The following SPSB4 variants were observed in gnomAD, a reference collection of about 807,000 sequenced individuals.
SPSB4 encodes SPRY domain-containing SOCS box protein 4.
A neutral mutation model predicts 20.9 loss-of-function variants in SPSB4; 21 were observed. The observed-to-expected ratio is 1.01, with a 90% CI of 0.71 to 1.45. The LOEUF is 1.45. Ranked by LOEUF, SPSB4 falls within the 40% of genes most tolerant of loss-of-function variation. SPSB4 has a pLI of 0.00. For synonymous variants in SPSB4, 207 were observed against 183.8 expected, an observed-to-expected ratio of 1.13 and a Z score of -1.02; for missense variants, 399 against 399.2, an observed-to-expected ratio of 1.00 and a Z score of 0.00.
rs73868994 is a variant in SPSB4, at chr3:141,081,288, A to C, written c.694+14490A>C. On this transcript the variant is annotated intron_variant, in intron 2 of 2. Coordinates refer to ENST00000310546, the MANE Select transcript of SPSB4 (RefSeq NM_080862.3). ...ACACGGCTCGTGGCTGCCCTATTGG[A>C]TGAGCCCATGTAAACCATTCCGACC... Among the ~76,000 whole-genome samples the C allele has an allele frequency of 7.5e-3, 1,148 of 152,316 alleles. 9 individuals carry two copies. The highest frequency in any genetic ancestry group is 0.025 in the African/African-American group (1,036 of 41,574).
At chr3:141,098,309 TC>T (rs953401502) in intron 2 of SPSB4, among the ~76,000 whole-genome samples, 1 of 152,240 alleles carries the variant, frequency 6.6e-6, no homozygotes, top group Non-Finnish European at 1.5e-5. Context: ...TTTAGTATGG[TC>T]CCCACAAATC....
chr3:141,103,677 C>G (rs1366507705), intron 2 of SPSB4, among the ~76,000 whole-genome samples: 6 of 152,142 alleles, frequency 3.9e-5, no homozygotes, highest in Non-Finnish European at 8.8e-5. Context: ...CCGCAACCCT[C>G]CAACAGCGAA....
chr3:141,064,396 G>A (rs1937823219), intron 1 of SPSB4, among the ~76,000 whole-genome samples: 1 of 152,218 alleles, frequency 6.6e-6, no homozygotes. Context: ...AAACTGCCTA[G>A]TGTTGCAAAT....
Position 141,066,679 on chromosome 3 carries a change from T to C in SPSB4, c.575T>C (p.Val192Ala), listed in dbSNP as rs776892112. The change falls in exon 2 of 3, where the codon GTG becomes GCG. Residue 192 changes from valine to alanine, a missense_variant. Coordinates refer to ENST00000310546, the MANE Select transcript of SPSB4 (RefSeq NM_080862.3). ...GATGAGGGCACACTCAGCTTCATCGTGGATGGCCAGTACCTGGGCGTGGCC... is the reference window on the plus strand; with the variant it reads ...GATGAGGGCACACTCAGCTTCATCGCGGATGGCCAGTACCTGGGCGTGGCC... ...DMDEGTLSFI[V>A]DGQYLGVAFR... 6.2e-7 allele frequency: 1 copy of C among 1,613,314 alleles called. No homozygotes were observed. Among genetic ancestry groups the C allele is most frequent in the African/African-American group, 1.3e-5 (1 of 74,918 alleles).
At chr3:141,122,383 C>T (rs189004403) in intron 2 of SPSB4, among the ~76,000 whole-genome samples, 192 of 152,292 alleles carry the variant, frequency 1.3e-3, no homozygotes, top group Non-Finnish European at 2.3e-3. Flanking sequence ...GTCAGGGACC[C>T]ACTTGAGGAG....
chr3:141,113,650 T>G (rs1412401184), intron 2 of SPSB4, among the ~76,000 whole-genome samples: 1 of 152,162 alleles, frequency 6.6e-6, no homozygotes, highest in Non-Finnish European at 1.5e-5. Context: ...GATTAGTGGT[T>G]TCCAGGGTCT....
Position 141,066,241 on chromosome 3 carries a change from C to T in SPSB4, c.137C>T (p.Ala46Val). The T allele has an allele frequency of 6.5e-7, 1 of 1,528,496 alleles. No individual in the cohort carries two copies. The highest frequency in any genetic ancestry group is 8.8e-7 in the Non-Finnish European group (1 of 1,138,622). The allele number at this position is 1,528,496 out of a possible 1,614,324, so 94.7% of individuals were successfully genotyped here. A position where few individuals can be genotyped will look rare whatever the true frequency, so the allele number is the denominator to read the frequency against. ...RLDQLLDMPA[A>V]GLAVQLRHAW... Reference sequence around the variant, plus strand: ...GACCAGCTGTTGGACATGCCAGCGGCGGGGCTGGCTGTGCAGCTGCGGCAC... The same window carrying T: ...GACCAGCTGTTGGACATGCCAGCGGTGGGGCTGGCTGTGCAGCTGCGGCAC... The change falls in exon 2 of 3, where the codon GCG (alanine) becomes GTG (valine). Residue 46 changes from alanine (A) to valine (V), a missense_variant. By Grantham distance (64) the Ala-to-Val change is moderately conservative. Coordinates refer to ENST00000310546, the MANE Select transcript of SPSB4 (RefSeq NM_080862.3).
chr3:141,131,281 GGGCA>G (rs1412083258), intron 2 of SPSB4, among the ~76,000 whole-genome samples: 3 of 152,044 alleles, frequency 2.0e-5, no homozygotes, highest in Admixed American at 1.3e-4. Context: ...TTTCCCATTA[GGGCA>G]GGCAGGCAAA....
intron 1 of SPSB4, among the ~76,000 whole-genome samples, chr3:141,063,072 T>C (rs961809142): frequency 2.6e-5 from 4 of 152,226 alleles, no homozygotes; most frequent in Non-Finnish European, 4.4e-5. Context: ...GTGAGTTCGG[T>C]CTTCAATTGT....
At chr3:141,064,141 G>C (rs962988374) in intron 1 of SPSB4, among the ~76,000 whole-genome samples, 1 of 152,244 alleles carries the variant, frequency 6.6e-6, no homozygotes, top group South Asian at 2.1e-4. Flanking sequence ...GCTCCTGGCT[G>C]GCTCTGCCAG....
chr3:141,055,232 C>T (rs531257537), intron 1 of SPSB4, among the ~76,000 whole-genome samples: 88 of 151,846 alleles, frequency 5.8e-4, no homozygotes, highest in Admixed American at 5.0e-3. Context: ...CATAATGGGG[C>T]GGAGGGAAGA....
At chr3:141,083,866 T>C (rs1024626787) in intron 2 of SPSB4, among the ~76,000 whole-genome samples, 3 of 152,086 alleles carry the variant, frequency 2.0e-5, no homozygotes, top group Non-Finnish European at 4.4e-5. Flanking sequence ...ACTCCTCGTT[T>C]GACTCTGGCC....
intron 2 of SPSB4, chr3:141,132,147 C>G: frequency 2.4e-6 from 1 of 413,626 alleles, no homozygotes; most frequent in South Asian, 1.7e-5. Flanking sequence ...CCCTTTCCCC[C>G]AGGTCCCTAA....
chr3:141,066,096 C>T lies in SPSB4; in HGVS notation c.-9C>T. 1.3e-6 allele frequency: 2 copies of T among 1,513,258 alleles called. No individual in the cohort carries two copies. The highest frequency in any genetic ancestry group is 1.8e-6 in the Non-Finnish European group (2 of 1,137,030). The allele number at this position is 1,513,258 out of a possible 1,614,324, so 93.7% of individuals were successfully genotyped here. ...GTGGCCTGCAGCGGCCTCCTCCCCGCAGTGAAGCATGGGCCAGAAGCTCTC... is the reference window on the plus strand; with the variant it reads ...GTGGCCTGCAGCGGCCTCCTCCCCGTAGTGAAGCATGGGCCAGAAGCTCTC... On this transcript the variant is annotated 5_prime_UTR_variant, in exon 2 of 3. Transcript: ENST00000310546.
rs6763656 is a variant in SPSB4 at position 141,134,040 on chromosome 3, T to C, written c.695-13102T>C. Among the ~76,000 whole-genome samples, 684 of 97,640 alleles carry C rather than the reference T, an allele frequency of 7.0e-3. 3 individuals are homozygous for C. The highest frequency in any genetic ancestry group is 8.4e-3 in the Non-Finnish European group (425 of 50,628). The allele number at this position is 97,640 out of a possible 152,430, so 64.1% of individuals were successfully genotyped here. On this transcript the variant is annotated intron_variant, in intron 2 of 2. Transcript: ENST00000310546. ...TTCCTTTTTTTTTTTCTTTTCTTTT[T>C]TTTTTTTTCTTTTTTCTTTTTTTTT...
At chr3:141,069,277 T>C (rs550578249) in intron 2 of SPSB4, among the ~76,000 whole-genome samples, 21 of 152,230 alleles carry the variant, frequency 1.4e-4, no homozygotes, top group African/African-American at 5.1e-4. Flanking sequence ...GAGTGGGCCA[T>C]AGGAGAAGCT....
At chr3:141,062,504 G>A in intron 1 of SPSB4, among the ~76,000 whole-genome samples, 1 of 151,846 alleles carries the variant, frequency 6.6e-6, no homozygotes, top group South Asian at 2.1e-4. Context: ...AAATTTAATA[G>A]CATAAATATA....
intron 2 of SPSB4, among the ~76,000 whole-genome samples, chr3:141,092,704 G>A (rs907449103): frequency 6.6e-6 from 1 of 152,228 alleles, no homozygotes; most frequent in Non-Finnish European, 1.5e-5. Context: ...CTGCTGCTGA[G>A]GCCGGGTGAG....
At chr3:141,104,666 C>G (rs1369096339) in intron 2 of SPSB4, among the ~76,000 whole-genome samples, 1 of 152,232 alleles carries the variant, frequency 6.6e-6, no homozygotes, top group Admixed American at 6.5e-5. Flanking sequence ...CTGCCCAGAC[C>G]TGGGCAGGGC....
Sources: allele counts gnomAD v4.1 joint callset (sites outside exome capture counted in the v4.1 genomes callset), GRCh38; gene constraint gnomAD v4.1.1; transcripts MANE v1.5; gene names NCBI Gene and HGNC (gene_info 2026-07-23, HGNC 2026-07-21).